The following BCAS3 variants were observed in gnomAD, a reference collection of about 807,000 sequenced individuals.
BCAS3 encodes the protein BCAS4/BCAS3 fusion.
Under a neutral mutation model 116.1 loss-of-function variants are expected in BCAS3, and 53 were observed. The observed-to-expected ratio is 0.46, with a 90% CI of 0.37 to 0.57. The LOEUF is 0.57. Among genes scored for constraint, BCAS3 ranks in the 20% least tolerant of loss-of-function variants. The probability of loss-of-function intolerance (pLI) is 0.00; values close to 1 mark genes in which losing one functional copy is unlikely to be tolerated. For synonymous variants in BCAS3, 391 were observed against 408.2 expected (o/e 0.96, Z 0.51); for missense variants, 917 against 1,165.4 (o/e 0.79, Z 3.10).
rs972360320 is a variant in BCAS3, at chr17:61,136,520, C to T, written c.2425+51956C>T. Among the ~76,000 whole-genome samples, 1 of 152,180 alleles carries T rather than the reference C, an allele frequency of 6.6e-6. No individual in the cohort carries two copies. Among genetic ancestry groups the T allele is most frequent in the Non-Finnish European group, 1.5e-5 (1 of 68,026 alleles). On this transcript the variant is annotated intron_variant, in intron 22 of 23. Transcript: ENST00000407086. This position sits in a 1 kb window ranked among gnomAD's most constrained non-coding sequence, Gnocchi z 4.4. ...GCAGCACGCCCCCTTCCCTCAGATG[C>T]CTCCAAATATTGCCAAATGTCCCCT...
chr17:60,899,489 G>A (rs964113512), intron 10 of BCAS3, among the ~76,000 whole-genome samples: 28 of 152,018 alleles, frequency 1.8e-4, no homozygotes, highest in African/African-American at 6.0e-4. Flanking sequence ...AGTCCCAGCA[G>A]TGACAGCCTG....
At position 61,344,916 on chromosome 17, in the gene BCAS3, T is replaced by TACAC. The variant is rs143541906; in HGVS notation, c.2426-23397_2426-23394dup. Reference sequence around the variant, plus strand: ...TATTTTATGATTCCTGGATCGGAAATACACACACACACACACATACACACA... The same window carrying TACAC: ...TATTTTATGATTCCTGGATCGGAAATACACACACACACACACACACATACACACA... On this transcript the variant is annotated intron_variant, in intron 22 of 23. Transcript: ENST00000407086. This position sits in a 1 kb window ranked among gnomAD's most constrained non-coding sequence, Gnocchi z 4.1. Among the ~76,000 whole-genome samples, 28 of 150,076 alleles carry TACAC rather than the reference T, an allele frequency of 1.9e-4. No homozygotes were observed. Among genetic ancestry groups the TACAC allele is most frequent in the Admixed American group, 1.2e-3 (18 of 15,042 alleles).
Position 61,239,456 on chromosome 17 carries a change from C to T in BCAS3, c.2426-128871C>T, listed in dbSNP as rs767720158. ...CAGATAGTTCTGAAACCTTTGTGAA[C>T]GCTTTCTGTAACTTATGAAGCTTTT... On this transcript the variant is annotated intron_variant, in intron 22 of 23. Coordinates refer to ENST00000407086, the MANE Select transcript of BCAS3 (RefSeq NM_017679.5). This position sits in a 1 kb window ranked among gnomAD's most constrained non-coding sequence, Gnocchi z 4.2. Among the ~76,000 whole-genome samples the T allele has an allele frequency of 2.0e-5, 3 of 152,168 alleles. No homozygotes were observed. The highest frequency in any genetic ancestry group is 1.5e-5 in the Non-Finnish European group (1 of 68,044).
intron 15 of BCAS3, among the ~76,000 whole-genome samples, chr17:60,997,494 G>A (rs914267515): frequency 6.6e-6 from 1 of 152,134 alleles, no homozygotes; most frequent in African/African-American, 2.4e-5. Context: ...GTGAGGATGG[G>A]TGCAGGTATT....
rs1181442470 is a variant in BCAS3, at chr17:61,032,202, A to G, written c.1638-2464A>G. ...ACCATATTTTCTCTTAAGAAGAGGC[A>G]TGCTCACTTGTTACTTACCACATGA... On this transcript the variant is annotated intron_variant, in intron 16 of 23. Transcript: ENST00000407086. The surrounding 1 kb of genome is among the most constrained non-coding windows in gnomAD (Gnocchi z 4.6). 6.6e-6 allele frequency among the ~76,000 whole-genome samples: 1 copy of G among 152,178 alleles called. No individual in the cohort carries two copies. The highest frequency in any genetic ancestry group is 6.6e-5 in the Admixed American group (1 of 15,256).
Position 60,955,386 on chromosome 17 carries a change from A to ATTTTTTTTTTTTTTTT in BCAS3, c.1221+8038_1221+8053dup, listed in dbSNP as rs1016334366. ...AAAGGATCTAGTTCAGGGAAACTGA[A>ATTTTTTTTTTTTTTTT]TTTTTTTTTTTTTTTTTTTGAGACA... On this transcript the variant is annotated intron_variant, in intron 14 of 23. Transcript: ENST00000407086. 1.9e-3 allele frequency among the ~76,000 whole-genome samples: 240 copies of ATTTTTTTTTTTTTTTT among 128,042 alleles called. 24 individuals are homozygous for ATTTTTTTTTTTTTTTT. The highest frequency in any genetic ancestry group is 8.0e-3 in the African/African-American group (227 of 28,250). The allele number at this position is 128,042 out of a possible 152,430, so 84.0% of individuals were successfully genotyped here.
At chr17:61,030,230 G>C (rs1453874586) in intron 16 of BCAS3, among the ~76,000 whole-genome samples, 1 of 152,038 alleles carries the variant, frequency 6.6e-6, no homozygotes. Context: ...TCTGTCTCAT[G>C]TTAGCGCCTT....
chr17:60,789,502 T>C (rs2046570973), intron 6 of BCAS3, among the ~76,000 whole-genome samples: 1 of 152,220 alleles, frequency 6.6e-6, no homozygotes, highest in Non-Finnish European at 1.5e-5. Flanking sequence ...TGTTTTAGTG[T>C]TATAGGACAG....
chr17:60,896,055 G>T (rs554259797), intron 10 of BCAS3, among the ~76,000 whole-genome samples: 1 of 152,364 alleles, frequency 6.6e-6, no homozygotes, highest in East Asian at 1.9e-4. Flanking sequence ...GCCAGGCACG[G>T]TTGCACATGC....
At chr17:61,194,729 A>C (rs1159028692) in intron 22 of BCAS3, among the ~76,000 whole-genome samples, 1 of 137,364 alleles carries the variant, frequency 7.3e-6, no homozygotes, top group African/African-American at 2.6e-5. Context: ...AACAAGAGCA[A>C]GACTCTGTCT....
intron 5 of BCAS3, among the ~76,000 whole-genome samples, chr17:60,740,797 G>A (rs2144224039): frequency 6.6e-6 from 1 of 152,286 alleles, no homozygotes; most frequent in Non-Finnish European, 1.5e-5. Context: ...CTCTCATAAA[G>A]TAGTTTCTGT....
In BCAS3 at chr17:61,219,757, G is replaced by C. The variant is rs1006231277; in HGVS notation, c.2425+135193G>C. Among the ~76,000 whole-genome samples the C allele has an allele frequency of 1.1e-4, 16 of 152,060 alleles. No homozygotes were observed. The highest frequency in any genetic ancestry group is 7.9e-4 in the Admixed American group (12 of 15,258). ...CCAGCTGCTGCTTGTTTAGATGGCCGCCTTCCTGGTGACAAGCACTTCTTA... is the reference window on the plus strand; with the variant it reads ...CCAGCTGCTGCTTGTTTAGATGGCCCCCTTCCTGGTGACAAGCACTTCTTA... On this transcript the variant is annotated intron_variant, in intron 22 of 23. Transcript: ENST00000407086. This position sits in a 1 kb window ranked among gnomAD's most constrained non-coding sequence, Gnocchi z 5.2.
rs892778743 is a variant in BCAS3, at chr17:61,276,141, G to A, written c.2426-92186G>A. Among the ~76,000 whole-genome samples, 1 of 152,084 alleles carries A rather than the reference G, an allele frequency of 6.6e-6. No homozygotes were observed. On this transcript the variant is annotated intron_variant, in intron 22 of 23. Coordinates refer to ENST00000407086, the MANE Select transcript of BCAS3 (RefSeq NM_017679.5). The surrounding 1 kb of genome is among the most constrained non-coding windows in gnomAD (Gnocchi z 4.2). ...TGAGGTGGGCGGATCATGAGGTCAG[G>A]AGTTCAAGACCAGGCTGACCAACAT...
chr17:61,288,768 A>G (rs2144694495), intron 22 of BCAS3, among the ~76,000 whole-genome samples: 1 of 152,346 alleles, frequency 6.6e-6, no homozygotes, highest in East Asian at 1.9e-4. Context: ...CAATCCTCCA[A>G]GCAGGCCTTG....
At position 61,038,123 on chromosome 17, in the gene BCAS3, T is replaced by A. The variant is rs942443105; in HGVS notation, c.1928+69T>A. On this transcript the variant is annotated intron_variant, in intron 18 of 23. Coordinates refer to ENST00000407086, the MANE Select transcript of BCAS3 (RefSeq NM_017679.5). ...GTATAGAAGATTAAAAGCGTATAAT[T>A]TGATAAGTTTTGACATGCATACAGC... 3 of 1,416,112 alleles carry A rather than the reference T, an allele frequency of 2.1e-6. No individual in the cohort carries two copies. In the African/African-American group the frequency reaches 4.3e-5, roughly 20 times the overall value. The allele number at this position is 1,416,112 out of a possible 1,614,324, so 87.7% of individuals were successfully genotyped here. A position where few individuals can be genotyped will look rare whatever the true frequency, so the allele number is the denominator to read the frequency against.
chr17:61,329,257 G>A (rs933945485), intron 22 of BCAS3, among the ~76,000 whole-genome samples: 3 of 151,706 alleles, frequency 2.0e-5, no homozygotes, highest in Admixed American at 6.6e-5. Context: ...GTGCCCCACC[G>A]CCAAATACCA....
intron 15 of BCAS3, among the ~76,000 whole-genome samples, chr17:60,999,874 G>T (rs2064121488): frequency 6.6e-6 from 1 of 152,026 alleles, no homozygotes; most frequent in Non-Finnish European, 1.5e-5. Context: ...TCACCTTCTT[G>T]CTTAGACGTA....
In BCAS3 at chr17:60,683,972, C is replaced by G. The variant is rs1489310574; in HGVS notation, c.84-10C>G. The G allele has an allele frequency of 1.2e-6, 2 of 1,612,264 alleles. No individual in the cohort carries two copies. Among genetic ancestry groups the G allele is most frequent in the African/African-American group, 1.3e-5 (1 of 74,858 alleles). ...TCCTGACCAGTGTTGTCCATTTCACCCTTTTCCAGAGAGCAGTCCTACATG... is the reference window on the plus strand; with the variant it reads ...TCCTGACCAGTGTTGTCCATTTCACGCTTTTCCAGAGAGCAGTCCTACATG... On this transcript the variant is annotated splice_polypyrimidine_tract_variant and intron_variant, in intron 2 of 23. Transcript: ENST00000407086.
At chr17:61,319,088 C>T (rs10853029) in intron 22 of BCAS3, among the ~76,000 whole-genome samples, 117,731 of 152,124 alleles carry the variant, frequency 0.77, 45,772 homozygotes, top group African/African-American at 0.83. Flanking sequence ...CTTCCACTTC[C>T]AAATCTGTGA....
Sources: gnomAD v4.1 joint callset for allele counts (sites outside exome capture counted in the v4.1 genomes callset) on GRCh38, gnomAD v4.1.1 for gene constraint, Gnocchi (gnomAD v3.1) non-coding constraint, MANE v1.5 for transcripts, NCBI Gene and HGNC (gene_info 2026-07-23, HGNC 2026-07-21) for gene names.